Variants in FRY observed in about 807,000 individuals in gnomAD.
The protein encoded by FRY is protein furry homolog.
In FRY, 128 loss-of-function variants were observed where a neutral mutation model predicts 348.4. The observed-to-expected ratio is 0.37, with a 90% confidence interval of 0.32 to 0.43. The LOEUF is 0.43. FRY is among the 20% of genes least tolerant of loss of function. The pLI, the probability that FRY is intolerant of heterozygous loss-of-function variation, is 1.00. For missense variants in FRY, 2,736 were observed against 3,695.2 expected, an observed-to-expected ratio of 0.74 and a Z score of 6.73; for synonymous variants, 1,370 against 1,374.7, an observed-to-expected ratio of 1.00 and a Z score of 0.08.
chr13:32,087,182 A>G (rs916719982), intron 2 of FRY, among the ~76,000 whole-genome samples: 3 of 152,248 alleles, frequency 2.0e-5, no homozygotes, highest in Non-Finnish European at 4.4e-5. Flanking sequence ...CACATCATGA[A>G]TCTGTAATGA....
intron 38 of FRY, among the ~76,000 whole-genome samples, chr13:32,225,348 A>G (rs1885527464): frequency 6.6e-6 from 1 of 152,230 alleles, no homozygotes; most frequent in Admixed American, 6.5e-5. Flanking sequence ...GCTATGAGGC[A>G]TAGTCAGCGT....
rs1057400364 is a variant in FRY at position 32,297,668 on chromosome 13, A to T, written c.*2208A>T. ...TTCACCTCCTCTACTTTAAGTGGAG[A>T]TGGGAAAAATTGTGTAGGATGCAGC... On this transcript the variant is annotated 3_prime_UTR_variant, in exon 61 of 61. Coordinates refer to ENST00000542859, the MANE Select transcript of FRY (RefSeq NM_023037.3). The T allele has an allele frequency of 2.6e-5, 4 of 152,056 alleles. No homozygotes were observed. Among genetic ancestry groups the T allele is most frequent in the African/African-American group, 4.8e-5 (2 of 41,394 alleles). The allele number at this position is 152,056 out of a possible 1,614,324, so 9.4% of individuals were successfully genotyped here. A position where few individuals can be genotyped will look rare whatever the true frequency, so the allele number is the denominator to read the frequency against.
intron 48 of FRY, among the ~76,000 whole-genome samples, chr13:32,248,824 CA>C (rs1192363733): frequency 1.3e-5 from 2 of 152,018 alleles, no homozygotes; most frequent in East Asian, 3.9e-4. Context: ...TAAAGAGGTA[CA>C]AAAAAACATG....
At chr13:32,294,228 A>G (rs1889516721) in intron 59 of FRY, 140 bp from the exon 60 acceptor site, 2 of 665,978 alleles carry the variant, frequency 3.0e-6, no homozygotes, top group Admixed American at 2.3e-5. Flanking sequence ...ATGGAGTACA[A>G]TGTCATCTAT....
chr13:32,163,005 G>A (rs1355949412), intron 17 of FRY, among the ~76,000 whole-genome samples: 1 of 152,184 alleles, frequency 6.6e-6, no homozygotes, highest in East Asian at 1.9e-4. Context: ...AGGGGCTGGG[G>A]GAAGCTGAGG....
At chr13:32,107,378 G>GA (rs1281285762) in intron 3 of FRY, among the ~76,000 whole-genome samples, 1 of 152,062 alleles carries the variant, frequency 6.6e-6, no homozygotes, top group South Asian at 2.1e-4. Context: ...AAGAAACCTG[G>GA]AAAAAAGATT....
intron 3 of FRY, among the ~76,000 whole-genome samples, chr13:32,103,104 C>A (rs1450409116): frequency 6.6e-6 from 1 of 152,204 alleles, no homozygotes; most frequent in African/African-American, 2.4e-5. Context: ...TGAAGGAGAC[C>A]TCACAGGTTT....
chr13:32,231,939 C>T (rs1885939932), intron 41 of FRY, among the ~76,000 whole-genome samples: 1 of 152,228 alleles, frequency 6.6e-6, no homozygotes, highest in Non-Finnish European at 1.5e-5. Flanking sequence ...TTAAATCCAG[C>T]TCCCTGGCTT....
intron 2 of FRY, among the ~76,000 whole-genome samples, chr13:32,087,202 T>G (rs1423202616): frequency 2.6e-5 from 4 of 152,260 alleles, no homozygotes; most frequent in South Asian, 4.1e-4. Flanking sequence ...AAATATGTCA[T>G]GCTTAAGAAC....
chr13:32,275,312 C>T (rs1029376320), intron 56 of FRY, among the ~76,000 whole-genome samples: 11 of 151,304 alleles, frequency 7.3e-5, no homozygotes, highest in Admixed American at 4.6e-4. Flanking sequence ...GGCATGACCC[C>T]GGGGGGCAGA....
chr13:32,155,095 A>G (rs779099441), intron 14 of FRY, among the ~76,000 whole-genome samples: 1 of 152,096 alleles, frequency 6.6e-6, no homozygotes, highest in Non-Finnish European at 1.5e-5. Flanking sequence ...GTTTCCATTC[A>G]ATCTTTGTGA....
At chr13:32,233,580 A>G (rs1200355907) in intron 41 of FRY, among the ~76,000 whole-genome samples, 3 of 152,378 alleles carry the variant, frequency 2.0e-5, no homozygotes. Context: ...CTGCATATCA[A>G]TAAAGCAAAG....
In FRY at chr13:32,124,666, T is replaced by A; in HGVS notation, c.620T>A (p.Phe207Tyr). ...GTTATTAACTTGGCTTTCAAGCACTTTAAATACAAAGAAGGGTAAGATGAT... is the reference window on the plus strand; with the variant it reads ...GTTATTAACTTGGCTTTCAAGCACTATAAATACAAAGAAGGGTAAGATGAT... The part of the protein sequence containing the change: ...HDVINLAFKH[F>Y]KYKEGYLGPN... The change falls in exon 6 of 61, where the codon TTT becomes TAT. Residue 207 changes from phenylalanine to tyrosine, a missense_variant. By Grantham distance (22) the Phe-to-Tyr change is conservative. Coordinates refer to ENST00000542859, the MANE Select transcript of FRY (RefSeq NM_023037.3). 1 of 1,580,612 alleles carries A rather than the reference T, an allele frequency of 6.3e-7. No individual in the cohort carries two copies. The highest frequency in any genetic ancestry group is 8.7e-7 in the Non-Finnish European group (1 of 1,149,460).
chr13:32,211,011 G>A lies in FRY; in HGVS notation c.4568G>A (p.Ser1523Asn). The change falls in exon 34 of 61, where the codon AGC becomes AAC. Residue 1523 changes from serine to asparagine, a missense_variant. By Grantham distance (46) the Ser-to-Asn change is conservative (BLOSUM62 1). Transcript: ENST00000542859. ...CCCTTCTACCGCTTCACGGCCAGTA[G>A]CAAGGCTTCCGCAGCAGCCTCAGGT... Reference protein sequence around the residue: ...NPPFYRFTASSKASAAASGTT... With the variant: ...NPPFYRFTASNKASAAASGTT... The A allele has an allele frequency of 6.2e-7, 1 of 1,614,034 alleles. No individual in the cohort carries two copies. The highest frequency in any genetic ancestry group is 8.5e-7 in the Non-Finnish European group (1 of 1,179,870).
At position 32,184,973 on chromosome 13, in the gene FRY, C is replaced by T. The variant is rs760877063; in HGVS notation, c.3147-3C>T. On this transcript the variant is annotated splice_polypyrimidine_tract_variant and splice_region_variant and intron_variant, in intron 25 of 60. Transcript: ENST00000542859. The stretch of plus-strand genomic sequence containing the variant: ...CTAAAAGTTTCATTTTCCTTTATTC[C>T]AGCACAAATGGAGCCCTAGAGCGGG... The T allele has an allele frequency of 1.9e-6, 3 of 1,612,944 alleles. No homozygotes were observed. Among genetic ancestry groups the T allele is most frequent in the African/African-American group, 2.7e-5 (2 of 74,876 alleles).
At chr13:32,273,302 G>A (rs1281243064) in intron 55 of FRY, among the ~76,000 whole-genome samples, 7 of 149,516 alleles carry the variant, frequency 4.7e-5, no homozygotes, top group East Asian at 2.0e-4. Context: ...GCTCACTGCA[G>A]GCTCCGCCCC....
chr13:32,172,341 A>G (rs555451486), intron 18 of FRY, among the ~76,000 whole-genome samples: 1 of 152,268 alleles, frequency 6.6e-6, no homozygotes, highest in South Asian at 2.1e-4. Context: ...GTGGATGTAG[A>G]TATGGATGTA....
intron 29 of FRY, 63 bp downstream of exon 29, chr13:32,194,360 A>G: frequency 2.1e-6 from 3 of 1,445,160 alleles, no homozygotes; most frequent in Non-Finnish European, 2.9e-6. Flanking sequence ...TTGTGATATG[A>G]ATGACGGAGA....
intron 17 of FRY, among the ~76,000 whole-genome samples, chr13:32,163,640 G>GTGTTCTCTTTCAA (rs1384610473): frequency 6.6e-6 from 1 of 152,178 alleles, no homozygotes; most frequent in Admixed American, 6.5e-5. Context: ...ATGGCATGCA[G>GTGTTCTCTTTCAA]TGTTCTCTTT....
Sources: gnomAD v4.1 joint callset for allele counts (sites outside exome capture counted in the v4.1 genomes callset) on GRCh38, gnomAD v4.1.1 for gene constraint, MANE v1.5 for transcripts, NCBI Gene and HGNC (gene_info 2026-07-23, HGNC 2026-07-21) for gene names.